FAM131A: variants seen among roughly 807,000 people sequenced by gnomAD.
FAM131A encodes family with sequence similarity 131 member A.
A neutral mutation model predicts 39.2 loss-of-function variants in FAM131A; 24 were observed. The observed-to-expected ratio is 0.61, with a 90% CI of 0.44 to 0.86. The LOEUF (loss-of-function observed/expected upper bound fraction) is 0.86, where lower values mean the gene tolerates loss of function less well. Among genes scored for constraint, FAM131A ranks in the 40% least tolerant of loss-of-function variants. The pLI, the probability that FAM131A is intolerant of heterozygous loss-of-function variation, is 0.00. For synonymous variants in FAM131A, 202 were observed against 206.8 expected (o/e 0.98, Z 0.20); for missense variants, 373 against 481.2 (o/e 0.78, Z 2.10).
chr3:184,337,614 G>C lies in FAM131A; in HGVS notation c.-17G>C. On this transcript the variant is annotated 5_prime_UTR_variant, in exon 1 of 6. Coordinates refer to ENST00000383847, the MANE Select transcript of FAM131A (RefSeq NM_144635.5). ...AGCGGTTCTGGGCTTTTGGTTCTCT[G>C]CATCAACACAGCCAGCATGCCTATG... The C allele has an allele frequency of 6.5e-7, 1 of 1,537,048 alleles. No homozygotes were observed. Among genetic ancestry groups the C allele is most frequent in the Non-Finnish European group, 8.7e-7 (1 of 1,146,790 alleles).
chr3:184,345,274 C>A lies in FAM131A; in HGVS notation c.*304C>A. Reference sequence around the variant, plus strand: ...TTCTTAAAATGCCACACACACATTTCCTCCTCGGATAATGTGAACCACTAA... The same window carrying A: ...TTCTTAAAATGCCACACACACATTTACTCCTCGGATAATGTGAACCACTAA... On this transcript the variant is annotated 3_prime_UTR_variant, in exon 6 of 6. Transcript: ENST00000383847. 1 of 577,020 alleles carries A rather than the reference C, an allele frequency of 1.7e-6. No homozygotes were observed. Among genetic ancestry groups the A allele is most frequent in the Non-Finnish European group, 3.0e-6 (1 of 328,264 alleles). The allele number at this position is 577,020 out of a possible 1,614,324, so 35.7% of individuals were successfully genotyped here. A position where few individuals can be genotyped will look rare whatever the true frequency, so the allele number is the denominator to read the frequency against.
upstream of FAM131A, chr3:184,337,599 G>C: frequency 1.3e-6 from 2 of 1,535,598 alleles, no homozygotes; most frequent in South Asian, 2.4e-5. Flanking sequence ...AGCGGTTCTG[G>C]GCTTTTGGTT....
chr3:184,344,352 A>G, intron 5 of FAM131A, 143 bp from the exon 6 acceptor site: 1 of 701,916 alleles, frequency 1.4e-6, no homozygotes, highest in Non-Finnish European at 2.4e-6. Context: ...TGAGGTCTCA[A>G]AAAGTTGTGA....
intron 3 of FAM131A, 46 bp downstream of exon 3, chr3:184,341,863 C>T: frequency 2.5e-6 from 4 of 1,593,960 alleles, no homozygotes; most frequent in Non-Finnish European, 3.4e-6. Context: ...CCTTTCTCCT[C>T]CCGTTTGCAC....
chr3:184,337,380 T>C, upstream of FAM131A: 1 of 466,076 alleles, frequency 2.1e-6, no homozygotes, highest in East Asian at 3.5e-5. Context: ...AGGTCAGTTG[T>C]GATGTACATT....
chr3:184,336,740 C>A (rs1727128215), upstream of FAM131A, among the ~76,000 whole-genome samples: 1 of 152,208 alleles, frequency 6.6e-6, no homozygotes, highest in South Asian at 2.1e-4. This position sits in a 1 kb window ranked among gnomAD's most constrained non-coding sequence, Gnocchi z 5.5. Context: ...TAATGTCCTG[C>A]CCCCACTCAG....
chr3:184,337,537 C>A, upstream of FAM131A: 1 of 1,115,790 alleles, frequency 9.0e-7, no homozygotes, highest in Non-Finnish European at 1.3e-6. Flanking sequence ...GGGGAGGGGA[C>A]TGGCTCAGCA....
rs948969929 is a variant in FAM131A, at chr3:184,338,482, A to T, written c.184A>T (p.Ser62Cys). 2.0e-5 allele frequency: 31 copies of T among 1,535,668 alleles called. No individual in the cohort carries two copies. The highest frequency in any genetic ancestry group is 2.6e-5 in the Non-Finnish European group (30 of 1,146,360). ...ATCTGCTCGAACCCTCCGAGGCTGGAGCAGGTCCTCCCGCCCTTCCTCGGT... is the reference window on the plus strand; with the variant it reads ...ATCTGCTCGAACCCTCCGAGGCTGGTGCAGGTCCTCCCGCCCTTCCTCGGT... The part of the protein sequence containing the change: ...LGSARTLRGW[S>C]RSSRPSSVDS... Residue 62 changes from serine (S) to cysteine (C), a missense_variant, in exon 2 of 6, where the codon AGC becomes TGC. By Grantham distance (112) the Ser-to-Cys change is moderately radical (BLOSUM62 -1). Coordinates refer to ENST00000383847, the MANE Select transcript of FAM131A (RefSeq NM_144635.5).
At chr3:184,343,122 C>CA (rs3064291) in intron 5 of FAM131A, 78,640 of 105,482 alleles carry the variant, frequency 0.75, 29,123 homozygotes, top group Middle Eastern at 0.81. Context: ...TTGCAGTCCT[C>CA]AAAAAAAAAA....
chr3:184,338,339 T>C (rs2108540979), intron 1 of FAM131A, 48 bp from the exon 2 acceptor site: 1 of 1,398,704 alleles, frequency 7.1e-7, no homozygotes, highest in South Asian at 1.6e-5. Context: ...AATGGGGATC[T>C]CTGCAGAAGT....
intron 2 of FAM131A, chr3:184,340,104 G>A (rs1727304815): frequency 6.6e-6 from 1 of 151,954 alleles, no homozygotes; most frequent in Non-Finnish European, 1.5e-5. Flanking sequence ...CAATTCTCCT[G>A]CCTCAGCCTC....
chr3:184,338,669 G>T, intron 2 of FAM131A, 140 bp downstream of exon 2: 1 of 1,145,434 alleles, frequency 8.7e-7, no homozygotes, highest in Non-Finnish European at 1.2e-6. Context: ...GGGCCGGGAG[G>T]CCGCCCCCGT....
Position 184,346,247 on chromosome 3 carries a change from A to G in FAM131A, c.*1277A>G, listed in dbSNP as rs898700357. The G allele has an allele frequency of 1.5e-4, 41 of 271,530 alleles. No homozygotes were observed. The highest frequency in any genetic ancestry group is 2.4e-4 in the Admixed American group (5 of 20,962). The allele number at this position is 271,530 out of a possible 1,614,324, so 16.8% of individuals were successfully genotyped here. ...TCTATTTAAGAATTTGTTTTATTAA[A>G]TTAATATAAAAATCTTTGTAAATCT... is the stretch of plus-strand genomic sequence containing the variant. On this transcript the variant is annotated 3_prime_UTR_variant, in exon 6 of 6. Coordinates refer to ENST00000383847, the MANE Select transcript of FAM131A (RefSeq NM_144635.5). The surrounding 1 kb of genome is among the most constrained non-coding windows in gnomAD (Gnocchi z 6.0).
Position 184,338,441 on chromosome 3 carries a change from C to T in FAM131A, c.143C>T (p.Ser48Phe). 1 of 1,520,004 alleles carries T rather than the reference C, an allele frequency of 6.6e-7. No homozygotes were observed. Among genetic ancestry groups the T allele is most frequent in the Non-Finnish European group, 8.8e-7 (1 of 1,139,578 alleles). The allele number at this position is 1,520,004 out of a possible 1,614,324, so 94.2% of individuals were successfully genotyped here. ...VEWIELPRGLSLSSLGSARTL... is the reference protein window; with the variant it reads ...VEWIELPRGLFLSSLGSARTL... ...TGGATCGAACTTCCTCGGGGTCTCT[C>T]TCTATCCTCTTTGGGATCTGCTCGA... Residue 48 changes from serine (S) to phenylalanine (F), a missense_variant, in exon 2 of 6, where the codon TCT (serine) becomes TTT (phenylalanine). By Grantham distance (155) the Ser-to-Phe change is radical (BLOSUM62 -2). Coordinates refer to ENST00000383847, the MANE Select transcript of FAM131A (RefSeq NM_144635.5).
Position 184,346,201 on chromosome 3 carries a change from C to T in FAM131A, c.*1231C>T, listed in dbSNP as rs1727654939. On this transcript the variant is annotated 3_prime_UTR_variant, in exon 6 of 6. Coordinates refer to ENST00000383847, the MANE Select transcript of FAM131A (RefSeq NM_144635.5). This position sits in a 1 kb window ranked among gnomAD's most constrained non-coding sequence, Gnocchi z 6.0. ...GCACAAGCATTCTATATATAAGTGG[C>T]TCATTAGGTGTTTATTTTGTTCTAT... 1 of 236,594 alleles carries T rather than the reference C, an allele frequency of 4.2e-6. No homozygotes were observed. Among genetic ancestry groups the T allele is most frequent in the African/African-American group, 2.2e-5 (1 of 44,746 alleles). 14.7% of individuals were successfully genotyped at this position (236,594 alleles called of 1,614,324 possible). A position where few individuals can be genotyped will look rare whatever the true frequency, so the allele number is the denominator to read the frequency against.
upstream of FAM131A, chr3:184,336,146 G>A: frequency 6.6e-6 from 1 of 152,596 alleles, no homozygotes; most frequent in Non-Finnish European, 1.5e-5. The surrounding 1 kb of genome is among the most constrained non-coding windows in gnomAD (Gnocchi z 5.5). Flanking sequence ...GGCCGGGTAC[G>A]GGTTGGGGAG....
upstream of FAM131A, chr3:184,337,551 G>C (rs767456348): frequency 1.5e-6 from 2 of 1,343,728 alleles, no homozygotes; most frequent in Admixed American, 4.0e-5. Flanking sequence ...CTCAGCATCC[G>C]GAGCCAAAAC....
rs750729922 is a variant in FAM131A at position 184,344,678 on chromosome 3, G to C, written c.809G>C (p.Arg270Pro). The C allele has an allele frequency of 1.9e-6, 3 of 1,612,494 alleles. No homozygotes were observed. The highest frequency in any genetic ancestry group is 1.3e-5 in the African/African-American group (1 of 75,056). ...LEDGLLGSPARLASQLLGDEL... is the reference protein window; with the variant it reads ...LEDGLLGSPAPLASQLLGDEL... ...GATGGGTTGTTGGGCTCCCCGGCCC[G>C]GCTGGCCTCCCAGCTGCTGGGCGAT... Residue 270 changes from arginine to proline, a missense_variant, in exon 6 of 6, where the codon CGG becomes CCG. By Grantham distance (103) the Arg-to-Pro change is moderately radical (BLOSUM62 -2). Transcript: ENST00000383847.
rs771408226 is a variant in FAM131A at position 184,342,778 on chromosome 3, G to A, written c.543G>A (p.Lys181=). The change falls in exon 5 of 6, where the codon AAG becomes AAA. Residue 181 remains lysine (K), a synonymous_variant. Transcript: ENST00000383847. The surrounding 1 kb of genome is among the most constrained non-coding windows in gnomAD (Gnocchi z 4.6). ...AGCAGTTTGCCATCGCGGAAGCCAA[G>A]CTCCGAGCATGGTCTTCGGTGGATG... The part of the protein sequence containing the change: ...VAEQFAIAEA[K]LRAWSSVDGE... 33 of 1,613,694 alleles carry A rather than the reference G, an allele frequency of 2.0e-5. No individual in the cohort carries two copies. Among genetic ancestry groups the A allele is most frequent in the Non-Finnish European group, 2.8e-5 (33 of 1,179,834 alleles).
Sources: gnomAD v4.1 joint callset for allele counts (sites outside exome capture counted in the v4.1 genomes callset) on GRCh38, gnomAD v4.1.1 for gene constraint, Gnocchi (gnomAD v3.1) non-coding constraint, MANE v1.5 for transcripts, NCBI Gene and HGNC (gene_info 2026-07-23, HGNC 2026-07-21) for gene names.